SOX6: variants seen among roughly 807,000 people sequenced by gnomAD.
The protein encoded by SOX6 is SRY-box transcription factor 6, also known as transcription factor SOX-6.
SOX6 carries 11 observed loss-of-function variants against 97.8 expected under a neutral mutation model. The ratio of observed to expected loss-of-function variants is 0.11; its 90% CI spans 0.07 to 0.19. The LOEUF (loss-of-function observed/expected upper bound fraction) is 0.19, where lower values mean the gene tolerates loss of function less well. SOX6 is among the 10% of genes least tolerant of loss of function. The pLI, the probability that SOX6 is intolerant of heterozygous loss-of-function variation, is 1.00. For synonymous variants in SOX6, 360 were observed against 371.4 expected (o/e 0.97, Z 0.35); for missense variants, 810 against 1,039.5 (o/e 0.78, Z 3.04).
chr11:16,253,090 G>A (rs975437009), intron 3 of SOX6, among the ~76,000 whole-genome samples: 1 of 152,146 alleles, frequency 6.6e-6, no homozygotes, highest in Non-Finnish European at 1.5e-5. Context: ...GCTCACACCT[G>A]TAATCCCAGC....
intron 7 of SOX6, among the ~76,000 whole-genome samples, chr11:16,103,355 TAAA>T (rs954446686): frequency 2.7e-5 from 4 of 146,510 alleles, no homozygotes; most frequent in Non-Finnish European, 4.5e-5. Context: ...ATGGTCATAA[TAAA>T]AAAAAAATAA....
chr11:16,532,644 T>A (rs1318084834), intron 4 of SOX6, among the ~76,000 whole-genome samples: 1 of 151,896 alleles, frequency 6.6e-6, no homozygotes, highest in African/African-American at 2.4e-5. Flanking sequence ...AGGAAAATAC[T>A]TTATAAAAAC....
intron 1 of SOX6, among the ~76,000 whole-genome samples, chr11:16,392,392 C>T (rs1858212452): frequency 6.6e-6 from 1 of 151,916 alleles, no homozygotes; most frequent in African/African-American, 2.4e-5. Context: ...TCTTACTTGT[C>T]TAAATTTAAA....
intron 4 of SOX6, among the ~76,000 whole-genome samples, chr11:16,503,678 C>G (rs532470228): frequency 6.6e-6 from 1 of 152,028 alleles, no homozygotes; most frequent in African/African-American, 2.4e-5. Flanking sequence ...ATGTCAAAAA[C>G]AGTAAGTAAA....
At chr11:16,498,124 A>T (rs1046470655) in intron 4 of SOX6, among the ~76,000 whole-genome samples, 1 of 152,254 alleles carries the variant, frequency 6.6e-6, no homozygotes, top group Non-Finnish European at 1.5e-5. Context: ...ATCTCTTGGC[A>T]GAAACTCTAC....
intron 4 of SOX6, among the ~76,000 whole-genome samples, chr11:16,213,519 C>T (rs1313652506): frequency 6.6e-6 from 1 of 152,038 alleles, no homozygotes; most frequent in Non-Finnish European, 1.5e-5. Context: ...AGGAAGCTGC[C>T]TTGCTGACAG....
At chr11:16,255,436 C>A (rs1429081942) in intron 3 of SOX6, among the ~76,000 whole-genome samples, 1 of 151,924 alleles carries the variant, frequency 6.6e-6, no homozygotes, top group African/African-American at 2.4e-5. Context: ...AACTAGAAAT[C>A]GGTAACAGAA....
At chr11:16,573,635 G>A (rs760755248) in intron 4 of SOX6, among the ~76,000 whole-genome samples, 12 of 152,096 alleles carry the variant, frequency 7.9e-5, no homozygotes, top group Non-Finnish European at 1.5e-4. Flanking sequence ...GGGAAAAAAC[G>A]AAACTAAAAT....
At chr11:16,066,105 T>C (rs1449305087) in intron 9 of SOX6, among the ~76,000 whole-genome samples, 1 of 152,066 alleles carries the variant, frequency 6.6e-6, no homozygotes. Context: ...GGGTAAAATA[T>C]TTGAATAGGT....
chr11:16,670,258 C>T (rs1301956200), intron 3 of SOX6, among the ~76,000 whole-genome samples: 1 of 152,116 alleles, frequency 6.6e-6, no homozygotes, highest in Non-Finnish European at 1.5e-5. Context: ...GAGGGTTATG[C>T]CCAAGCTTAC....
chr11:16,581,490 TGCATGAAGG>T (rs1274225399), intron 4 of SOX6, among the ~76,000 whole-genome samples: 1 of 152,060 alleles, frequency 6.6e-6, no homozygotes, highest in Non-Finnish European at 1.5e-5. Context: ...AAATAGTTAA[TGCATGAAGG>T]GCTTAAAACC....
At chr11:16,643,742 C>T (rs567177852) in intron 3 of SOX6, among the ~76,000 whole-genome samples, 7 of 152,288 alleles carry the variant, frequency 4.6e-5, no homozygotes, top group African/African-American at 1.4e-4. Flanking sequence ...CCTGGTGTGC[C>T]GTTTGCTAAG....
chr11:16,194,354 ATTTC>A (rs1467233057), intron 4 of SOX6, among the ~76,000 whole-genome samples: 1 of 152,200 alleles, frequency 6.6e-6, no homozygotes, highest in Non-Finnish European at 1.5e-5. Context: ...GAATACTGGA[ATTTC>A]TTTGTTTTCT....
At chr11:16,076,943 C>T (rs1221174083) in intron 9 of SOX6, among the ~76,000 whole-genome samples, 1 of 150,992 alleles carries the variant, frequency 6.6e-6, no homozygotes, top group Non-Finnish European at 1.5e-5. Flanking sequence ...TTAGTAGAGA[C>T]GGGGTTTCAC....
rs369167068 is a variant in SOX6, at chr11:16,514,798, T to C, written n.610-38410A>G. On this transcript the variant is annotated intron_variant and non_coding_transcript_variant, in intron 4 of 5. Coordinates refer to the SOX6 transcript ENST00000524520. The stretch of plus-strand genomic sequence containing the variant: ...ACCTATGAGTGAGAATATGCGGTGT[T>C]TGGCTTTTTGTGCTTGCGATAGTTT... 1.5e-4 allele frequency among the ~76,000 whole-genome samples: 22 copies of C among 151,064 alleles called. No homozygotes were observed. In the South Asian group the frequency reaches 1.7e-3, roughly 12 times the overall value.
At chr11:16,312,386 A>G (rs1855629623) in intron 3 of SOX6, 1 of 152,164 alleles carries the variant, frequency 6.6e-6, no homozygotes, top group Admixed American at 6.6e-5. Flanking sequence ...GCAATCTCAC[A>G]TGACTCCAGA....
chr11:16,186,753 C>T, intron 5 of SOX6, 30 bp downstream of exon 5: 1 of 1,611,224 alleles, frequency 6.2e-7, no homozygotes, highest in Non-Finnish European at 8.5e-7. Flanking sequence ...TCCACATCTC[C>T]AGTTCGTCAG....
At chr11:16,633,203 T>C (rs1285317194) in intron 3 of SOX6, among the ~76,000 whole-genome samples, 1 of 152,252 alleles carries the variant, frequency 6.6e-6, no homozygotes, top group Non-Finnish European at 1.5e-5. Context: ...TACTGTAATT[T>C]GTTGTTTTCT....
At position 16,468,993 on chromosome 11, in the gene SOX6, C is replaced by T. The variant is rs1215906925; in HGVS notation, c.-5+7322G>A. On this transcript the variant is annotated intron_variant, in intron 1 of 15. Transcript: ENST00000396356. ...CTATCACTGATAATTGAGCAATTAA[C>T]TTGAAATTACCAAATGTGCTGTGGT... 1.3e-5 allele frequency among the ~76,000 whole-genome samples: 2 copies of T among 151,430 alleles called. 1 individual carries two copies. The highest frequency in any genetic ancestry group is 1.3e-4 in the Admixed American group (2 of 15,208).
Sources: allele counts gnomAD v4.1 joint callset (sites outside exome capture counted in the v4.1 genomes callset), GRCh38; gene constraint gnomAD v4.1.1; transcripts MANE v1.5; gene names NCBI Gene and HGNC (gene_info 2026-07-23, HGNC 2026-07-21).